The following ZDHHC17 variants were observed in gnomAD, a reference collection of about 807,000 sequenced individuals.
ZDHHC17 encodes zDHHC palmitoyltransferase 17, also known as palmitoyltransferase ZDHHC17.
ZDHHC17 carries 40 observed loss-of-function variants against 90.3 expected under a neutral mutation model. The observed-to-expected ratio is 0.44, with a 90% CI of 0.34 to 0.58. The LOEUF (loss-of-function observed/expected upper bound fraction) is 0.58. Among genes scored for constraint, ZDHHC17 ranks in the 20% least tolerant of loss-of-function variants. The probability of loss-of-function intolerance (pLI) is 0.01; values close to 1 mark genes in which losing one functional copy is unlikely to be tolerated. For synonymous variants in ZDHHC17, 235 were observed against 252.4 expected (o/e 0.93, Z 0.65); for missense variants, 614 against 780.8 (o/e 0.79, Z 2.55).
At chr12:76,795,210 G>A (rs1296896659) in intron 1 of ZDHHC17, among the ~76,000 whole-genome samples, 1 of 148,066 alleles carries the variant, frequency 6.8e-6, no homozygotes, top group Non-Finnish European at 1.5e-5. Flanking sequence ...TTGATGTTTG[G>A]TTCATGGGTG....
chr12:76,791,456 AT>A (rs200704554), intron 1 of ZDHHC17, among the ~76,000 whole-genome samples: 1,689 of 152,072 alleles, frequency 0.011, 12 homozygotes, highest in Non-Finnish European at 0.017. Flanking sequence ...GGGTGAAATA[AT>A]TTTTTTTAAA....
At chr12:76,802,426 T>G (rs1565779531) in intron 2 of ZDHHC17, among the ~76,000 whole-genome samples, 1 of 152,350 alleles carries the variant, frequency 6.6e-6, no homozygotes, top group East Asian at 1.9e-4. Context: ...TCAGTGTGGG[T>G]GTCTTGGAGT....
At chr12:76,822,771 G>GTGAC (rs767532933) in intron 8 of ZDHHC17, among the ~76,000 whole-genome samples, 19 of 151,564 alleles carry the variant, frequency 1.3e-4, no homozygotes, top group Non-Finnish European at 2.5e-4. Flanking sequence ...GTTGGCCATG[G>GTGAC]TGACTTCAGA....
In ZDHHC17 at chr12:76,809,736, T is replaced by C. The variant is rs1486676943; in HGVS notation, c.422T>C (p.Val141Ala). Residue 141 changes from valine (V) to alanine (A), a missense_variant, in exon 5 of 17, where the codon GTG (valine) becomes GCG (alanine). Val to Ala is a moderately conservative substitution (Grantham distance 64). This residue lies in a region of ZDHHC17 where 358 missense variants were observed against 380.4 expected (regional missense o/e 0.94). Transcript: ENST00000426126. The part of the protein sequence containing the change: ...ATRQGHLSMV[V>A]QLMKYGADPS... Reference sequence around the variant, plus strand: ...AGACAAGGCCATCTATCCATGGTTGTGCAACTAATGAAATATGGTGCAGAT... The same window carrying C: ...AGACAAGGCCATCTATCCATGGTTGCGCAACTAATGAAATATGGTGCAGAT... 6.4e-7 allele frequency: 1 copy of C among 1,574,232 alleles called. No homozygotes were observed. Among genetic ancestry groups the C allele is most frequent in the Non-Finnish European group, 8.6e-7 (1 of 1,162,506 alleles).
At chr12:76,780,029 A>G (rs1952604313) in intron 1 of ZDHHC17, among the ~76,000 whole-genome samples, 1 of 152,188 alleles carries the variant, frequency 6.6e-6, no homozygotes, top group Admixed American at 6.5e-5. Flanking sequence ...AGCCAATACT[A>G]CACAGTCTTG....
chr12:76,834,894 ATAATC>A (rs757947809), intron 10 of ZDHHC17, among the ~76,000 whole-genome samples: 50 of 152,192 alleles, frequency 3.3e-4, no homozygotes, highest in Non-Finnish European at 6.6e-4. Context: ...TTAACACTGT[ATAATC>A]TAATTACTGT....
intron 8 of ZDHHC17, among the ~76,000 whole-genome samples, chr12:76,826,438 T>C (rs1001823252): frequency 2.0e-5 from 3 of 152,190 alleles, no homozygotes; most frequent in Admixed American, 1.3e-4. Context: ...TTATTCTTTA[T>C]CTCATTTTAA....
chr12:76,828,270 C>T lies in ZDHHC17; in HGVS notation c.1041-120C>T, dbSNP rs532078393. The T allele has an allele frequency of 5.0e-4, 407 of 810,740 alleles. 1 individual carries two copies. The highest frequency in any genetic ancestry group is 1.2e-3 in the South Asian group (44 of 36,458). 50.2% of individuals were successfully genotyped at this position (810,740 alleles called of 1,614,324 possible). ...ACTATGAAAAATTGAGCATCCTGAA[C>T]TCTGGATTCTGGTGAAACCAATGCT... is the stretch of plus-strand genomic sequence containing the variant. On this transcript the variant is annotated intron_variant, in intron 9 of 16. Transcript: ENST00000426126.
At chr12:76,794,063 T>G (rs1015114808) in intron 1 of ZDHHC17, among the ~76,000 whole-genome samples, 6 of 152,024 alleles carry the variant, frequency 3.9e-5, no homozygotes, top group Non-Finnish European at 7.4e-5. Context: ...ATTTTGTATT[T>G]TTTAGTAGAG....
At chr12:76,776,654 A>C (rs1432827212) in intron 1 of ZDHHC17, among the ~76,000 whole-genome samples, 3 of 152,200 alleles carry the variant, frequency 2.0e-5, no homozygotes, top group Non-Finnish European at 4.4e-5. Flanking sequence ...GTGGCAGTTT[A>C]AATTTAATTA....
chr12:76,824,473 C>T (rs1323149278), intron 8 of ZDHHC17, among the ~76,000 whole-genome samples: 3 of 151,938 alleles, frequency 2.0e-5, no homozygotes, highest in African/African-American at 7.3e-5. Context: ...ACTGTTCTTT[C>T]TTTTTCCATG....
chr12:76,764,549 T>A, intron 1 of ZDHHC17: 1 of 581,174 alleles, frequency 1.7e-6, no homozygotes, highest in Non-Finnish European at 3.1e-6. Context: ...ACGCAGTCCC[T>A]GGCTGTGCCT....
intron 13 of ZDHHC17, 184 bp from the exon 14 acceptor site, chr12:76,846,412 T>C (rs1317114438): frequency 1.8e-6 from 1 of 564,172 alleles, no homozygotes; most frequent in Non-Finnish European, 3.2e-6. Flanking sequence ...TGTGTGTAAT[T>C]GCAAGCATTC....
Position 76,797,539 on chromosome 12 carries a change from T to G in ZDHHC17, c.197+2T>G. 6.3e-7 allele frequency: 1 copy of G among 1,584,776 alleles called. No homozygotes were observed. Among genetic ancestry groups the G allele is most frequent in the Non-Finnish European group, 8.6e-7 (1 of 1,167,136 alleles). ...ATGGGACATAGTCAAGGCTACACAG[T>G]AAGGTTTTTGTTGTAGTTGTTTTCT... On this transcript the variant is annotated splice_donor_variant, in intron 2 of 16. Transcript: ENST00000426126. LOFTEE classifies it high-confidence loss of function.
chr12:76,816,042 A>T, intron 7 of ZDHHC17, 23 bp downstream of exon 7: 1 of 1,442,484 alleles, frequency 6.9e-7, no homozygotes, highest in Admixed American at 2.9e-5. Context: ...TATATTGATA[A>T]TACTGTATGA....
chr12:76,820,245 A>G (rs1953147906), intron 7 of ZDHHC17, among the ~76,000 whole-genome samples: 1 of 152,186 alleles, frequency 6.6e-6, no homozygotes, highest in South Asian at 2.1e-4. Flanking sequence ...AAAAGAATTT[A>G]AGAACCAAGC....
intron 14 of ZDHHC17, among the ~76,000 whole-genome samples, 181 bp downstream of exon 14, chr12:76,846,860 G>A (rs934918876): frequency 3.3e-5 from 5 of 152,206 alleles, no homozygotes; most frequent in African/African-American, 1.2e-4. Flanking sequence ...AATATACAGT[G>A]TAAGCAAACA....
chr12:76,834,365 A>G (rs1047337185), intron 10 of ZDHHC17, among the ~76,000 whole-genome samples: 1 of 152,204 alleles, frequency 6.6e-6, no homozygotes, highest in Non-Finnish European at 1.5e-5. Context: ...GTAATTTTTC[A>G]ATGTGGCTTT....
At chr12:76,839,759 G>GT (rs1434000225) in intron 10 of ZDHHC17, among the ~76,000 whole-genome samples, 3 of 152,100 alleles carry the variant, frequency 2.0e-5, no homozygotes, top group Non-Finnish European at 4.4e-5. Flanking sequence ...AATTGGCAGC[G>GT]TTTTTTCATT....
Sources: gnomAD v4.1 joint callset for allele counts (sites outside exome capture counted in the v4.1 genomes callset) on GRCh38, gnomAD v4.1.1 for gene constraint, gnomAD v4.1.1 regional missense constraint, MANE v1.5 for transcripts, NCBI Gene and HGNC (gene_info 2026-07-23, HGNC 2026-07-21) for gene names.